LINGO2: variants seen among roughly 807,000 people sequenced by gnomAD.
LINGO2 encodes leucine rich repeat and Ig domain containing 2.
Under a neutral mutation model 30.6 loss-of-function variants are expected in LINGO2, and 14 were observed. That is an observed-to-expected ratio of 0.46 (90% confidence interval 0.30 to 0.72). The LOEUF (loss-of-function observed/expected upper bound fraction) is 0.72, where lower values mean the gene tolerates loss of function less well. Ranked by LOEUF, LINGO2 falls within the 30% of genes least tolerant of loss-of-function variation. LINGO2 has a pLI of 0.07. For missense variants in LINGO2, 729 were observed against 751.7 expected, an observed-to-expected ratio of 0.97 and a Z score of 0.35; for synonymous variants, 317 against 288.5, an observed-to-expected ratio of 1.10 and a Z score of -1.00.
chr9:28,628,045 G>A (rs1826764153), intron 1 of LINGO2, among the ~76,000 whole-genome samples: 1 of 151,922 alleles, frequency 6.6e-6, no homozygotes, highest in African/African-American at 2.4e-5. Context: ...CTTCATGGCT[G>A]TAGCATAGTT....
chr9:28,409,060 C>G (rs1822638811), intron 2 of LINGO2, among the ~76,000 whole-genome samples: 1 of 152,050 alleles, frequency 6.6e-6, no homozygotes, highest in Non-Finnish European at 1.5e-5. Context: ...TCCCTTGCAT[C>G]ACCTTAACTC....
At chr9:28,467,523 A>C (rs1323617765) in intron 2 of LINGO2, among the ~76,000 whole-genome samples, 1 of 152,164 alleles carries the variant, frequency 6.6e-6, no homozygotes, top group African/African-American at 2.4e-5. Context: ...AATGAACCAC[A>C]ATTCCTTAAA....
chr9:29,198,602 T>C, the LINGO2 span, among the ~76,000 whole-genome samples: 17 of 152,128 alleles, frequency 1.1e-4, no homozygotes, highest in African/African-American at 4.1e-4. Context: ...TAGTAGAGCA[T>C]AGTTTGTGTC....
the LINGO2 span, among the ~76,000 whole-genome samples, chr9:29,055,323 T>C: frequency 2.0e-5 from 3 of 152,184 alleles, no homozygotes; most frequent in East Asian, 5.8e-4. Flanking sequence ...AAAAGAGAAA[T>C]AGAAAAATGA....
chr9:28,892,151 C>G, the LINGO2 span, among the ~76,000 whole-genome samples: 1 of 151,970 alleles, frequency 6.6e-6, no homozygotes, highest in South Asian at 2.1e-4. Context: ...TTAAAATTTT[C>G]ACTCCATGCT....
the LINGO2 span, among the ~76,000 whole-genome samples, chr9:29,041,439 T>C: frequency 6.6e-6 from 1 of 152,040 alleles, no homozygotes; most frequent in Non-Finnish European, 1.5e-5. Flanking sequence ...GGCCTGCTAC[T>C]GTATATAGCT....
the LINGO2 span, among the ~76,000 whole-genome samples, chr9:28,693,122 T>C: frequency 1.3e-5 from 2 of 152,068 alleles, no homozygotes; most frequent in African/African-American, 2.4e-5. Context: ...CCCGGGCACT[T>C]TTCTCCAATT....
intron 2 of LINGO2, among the ~76,000 whole-genome samples, chr9:28,474,795 C>G (rs560513946): frequency 5.9e-5 from 9 of 152,190 alleles, no homozygotes; most frequent in African/African-American, 2.2e-4. Context: ...TCTGTATGGT[C>G]AGGCTGGTGT....
chr9:28,680,555 T>C, the LINGO2 span, among the ~76,000 whole-genome samples: 10 of 152,148 alleles, frequency 6.6e-5, no homozygotes, highest in Non-Finnish European at 1.3e-4. Flanking sequence ...CCATAATGGC[T>C]GTGCTAATTT....
the LINGO2 span, among the ~76,000 whole-genome samples, chr9:29,041,864 G>C: frequency 1.3e-5 from 2 of 151,868 alleles, no homozygotes; most frequent in Non-Finnish European, 2.9e-5. Flanking sequence ...GAAAAGTCAA[G>C]ATACAAATTC....
At chr9:28,990,276 C>G in the LINGO2 span, among the ~76,000 whole-genome samples, 3 of 152,204 alleles carry the variant, frequency 2.0e-5, no homozygotes, top group East Asian at 3.9e-4. Context: ...TGAGATCAAA[C>G]TGCAAGGCAG....
chr9:28,133,202 CA>C (rs1587053619), intron 4 of LINGO2, among the ~76,000 whole-genome samples: 1 of 151,518 alleles, frequency 6.6e-6, no homozygotes, highest in South Asian at 2.1e-4. Context: ...GATAAAATAA[CA>C]AAAAAAGAAT....
chr9:28,244,914 G>A (rs1029236098), intron 4 of LINGO2, among the ~76,000 whole-genome samples: 33 of 151,370 alleles, frequency 2.2e-4, no homozygotes, highest in African/African-American at 3.4e-4. Context: ...GAAATTATTC[G>A]AAATAATTGA....
intron 1 of LINGO2, among the ~76,000 whole-genome samples, chr9:28,617,700 C>A (rs1826201442): frequency 6.6e-6 from 1 of 152,044 alleles, no homozygotes; most frequent in Admixed American, 6.6e-5. Context: ...ACTGAAAGGA[C>A]AAATTCATCC....
the LINGO2 span, among the ~76,000 whole-genome samples, chr9:29,083,517 C>T: frequency 6.6e-6 from 1 of 151,688 alleles, no homozygotes; most frequent in African/African-American, 2.4e-5. Flanking sequence ...ACCAACATGG[C>T]ACATGTATAC....
At chr9:28,250,582 C>G (rs1822161626) in intron 4 of LINGO2, among the ~76,000 whole-genome samples, 1 of 152,106 alleles carries the variant, frequency 6.6e-6, no homozygotes, top group Admixed American at 6.5e-5. Context: ...AGCTAAACAC[C>G]ACAGAAATAT....
intron 2 of LINGO2, among the ~76,000 whole-genome samples, chr9:28,394,478 TG>T (rs1821964747): frequency 6.6e-6 from 1 of 152,188 alleles, no homozygotes; most frequent in Non-Finnish European, 1.5e-5. Flanking sequence ...TTTTCTCTCC[TG>T]CCTCCCTCAT....
rs1385869819 is a variant in LINGO2, at chr9:27,994,897, CAG to C, written c.-36+17456_-36+17457del. On this transcript the variant is annotated intron_variant, in intron 5 of 5. Transcript: ENST00000379992. ...TGCAGCTTGCTTTGTCTTATCTTTT[CAG>C]AGTGTACTGTCTCTCTCTCAATAAA... Among the ~76,000 whole-genome samples, 18 of 152,250 alleles carry C rather than the reference CAG, an allele frequency of 1.2e-4. No homozygotes were observed. The East Asian group carries it at 2.1e-3, about 18-fold the overall frequency.
intron 4 of LINGO2, among the ~76,000 whole-genome samples, chr9:28,168,920 CAATG>C (rs1439762161): frequency 1.3e-5 from 2 of 152,166 alleles, no homozygotes; most frequent in African/African-American, 4.8e-5. Flanking sequence ...TTCAGTAAGT[CAATG>C]AATGAATGAA....
Sources: allele counts gnomAD v4.1 joint callset (sites outside exome capture counted in the v4.1 genomes callset), GRCh38; gene constraint gnomAD v4.1.1; transcripts MANE v1.5; gene names NCBI Gene and HGNC (gene_info 2026-07-23, HGNC 2026-07-21).